DCLRE1A: variants seen among roughly 807,000 people sequenced by gnomAD.
DCLRE1A encodes DNA cross-link repair 1A protein.
DCLRE1A carries 64 observed loss-of-function variants against 91.9 expected under a neutral mutation model. That is an observed-to-expected ratio of 0.70 (90% CI 0.57 to 0.86). The LOEUF (loss-of-function observed/expected upper bound fraction) is 0.86. Among genes scored for constraint, DCLRE1A ranks in the 40% least tolerant of loss-of-function variants. The probability of loss-of-function intolerance (pLI) is 0.00; values close to 1 mark genes in which losing one functional copy is unlikely to be tolerated. For synonymous variants in DCLRE1A, 416 were observed against 431.1 expected (o/e 0.96, Z 0.43); for missense variants, 1,145 against 1,213.3 (o/e 0.94, Z 0.84).
At chr10:113,839,097 G>A (rs575338601) in intron 7 of DCLRE1A, among the ~76,000 whole-genome samples, 4 of 152,062 alleles carry the variant, frequency 2.6e-5, no homozygotes, top group African/African-American at 4.8e-5. Context: ...AGGCCAAGGC[G>A]GGCAGATCAC....
Position 113,852,995 on chromosome 10 carries a change from T to A in DCLRE1A, c.188A>T (p.His63Leu), listed in dbSNP as rs1426949116. The A allele has an allele frequency of 6.2e-7, 1 of 1,614,122 alleles. No individual in the cohort carries two copies. Among genetic ancestry groups the A allele is most frequent in the East Asian group, 2.2e-5 (1 of 44,894 alleles). The change falls in exon 1 of 9, where the codon CAT (histidine) becomes CTT (leucine). Residue 63 changes from histidine (H) to leucine (L), a missense_variant. By Grantham distance (99) the His-to-Leu change is moderately conservative. Coordinates refer to ENST00000361384, the MANE Select transcript of DCLRE1A (RefSeq NM_014881.5). ...ACCTGCATTTCCAAGGGGCACTTCATGGTCCTTCACCTCTTTAGCTTCTGC... is the reference window on the plus strand; with the variant it reads ...ACCTGCATTTCCAAGGGGCACTTCAAGGTCCTTCACCTCTTTAGCTTCTGC... ...RAAEAKEVKD[H>L]EVPLGNAGCQ...
At chr10:113,841,594 C>G in intron 6 of DCLRE1A, 34 bp from the exon 7 acceptor site, 1 of 1,554,594 alleles carries the variant, frequency 6.4e-7, no homozygotes, top group Non-Finnish European at 8.6e-7. Flanking sequence ...AAATAGTAAA[C>G]TTACAGCTTG....
chr10:113,847,564 C>T (rs1049162926), intron 2 of DCLRE1A, among the ~76,000 whole-genome samples: 4 of 72,972 alleles, frequency 5.5e-5, no homozygotes, highest in Middle Eastern at 8.5e-3. Context: ...ATAATTGCAC[C>T]AAAAAAAATT....
chr10:113,838,808 T>C (rs929630674), intron 7 of DCLRE1A, among the ~76,000 whole-genome samples: 4 of 152,214 alleles, frequency 2.6e-5, no homozygotes, highest in African/African-American at 7.2e-5. Context: ...GTCAACTACG[T>C]AGCACATACG....
intron 4 of DCLRE1A, among the ~76,000 whole-genome samples, chr10:113,844,555 T>G (rs1845500399): frequency 6.6e-6 from 1 of 152,210 alleles, no homozygotes; most frequent in Admixed American, 6.5e-5. Context: ...TAAGACTGTT[T>G]TGTATGCCTG....
intron 4 of DCLRE1A, among the ~76,000 whole-genome samples, 187 bp from the exon 5 acceptor site, chr10:113,844,431 G>A (rs1845498151): frequency 6.6e-6 from 1 of 152,198 alleles, no homozygotes; most frequent in African/African-American, 2.4e-5. Context: ...GTGCAGGAAA[G>A]GCAGACCCAG....
upstream of DCLRE1A, chr10:113,854,340 C>G (rs1845713504): frequency 6.6e-6 from 1 of 152,312 alleles, no homozygotes; most frequent in Non-Finnish European, 1.5e-5. Flanking sequence ...GGAGGTTATC[C>G]CTACCCGCTT....
In DCLRE1A at chr10:113,849,290, T is replaced by C; in HGVS notation, c.1815A>G (p.Lys605=). The change falls in exon 2 of 9, where the codon AAA becomes AAG. Residue 605 remains lysine (K), a synonymous_variant. Coordinates refer to ENST00000361384, the MANE Select transcript of DCLRE1A (RefSeq NM_014881.5). ...CATCAAATTCTAAATCACTTAAAGA[T>C]TTTTCTGCTTTCCTCTTGCACTGCG... ...RSSQCKRKAE[K]SLSDLEFDAS... is the part of the protein sequence containing the mutation. The C allele has an allele frequency of 6.2e-7, 1 of 1,614,172 alleles. No individual in the cohort carries two copies. The highest frequency in any genetic ancestry group is 1.3e-5 in the African/African-American group (1 of 75,058).
intron 2 of DCLRE1A, among the ~76,000 whole-genome samples, 154 bp downstream of exon 2, chr10:113,848,826 A>T (rs557255163): frequency 6.6e-6 from 1 of 152,202 alleles, no homozygotes; most frequent in East Asian, 1.9e-4. Flanking sequence ...GGCAAAAACC[A>T]TATCTACGTT....
chr10:113,836,016 G>GCT (rs543979735), intron 8 of DCLRE1A, among the ~76,000 whole-genome samples: 1 of 152,078 alleles, frequency 6.6e-6, no homozygotes, highest in African/African-American at 2.4e-5. Context: ...CCCCCTTTGT[G>GCT]CTCTCTCTCA....
In DCLRE1A at chr10:113,836,742, G is replaced by A. The variant is rs898312966; in HGVS notation, c.2962+320C>T. Among the ~76,000 whole-genome samples, 4 of 152,042 alleles carry A rather than the reference G, an allele frequency of 2.6e-5. No homozygotes were observed. In the South Asian group the frequency reaches 6.2e-4, roughly 24 times the overall value. ...ACCACATCTAACCCATCATCTTCCC[G>A]CTCCCAATCTCACATTGTCATCTAT... is the stretch of plus-strand genomic sequence containing the variant. On this transcript the variant is annotated intron_variant, in intron 8 of 8. Transcript: ENST00000361384.
chr10:113,842,377 G>A lies in DCLRE1A; in HGVS notation c.2631C>T (p.Gly877=). The A allele has an allele frequency of 6.2e-7, 1 of 1,613,790 alleles. No individual in the cohort carries two copies. The highest frequency in any genetic ancestry group is 1.1e-5 in the South Asian group (1 of 91,038). ...TLNPHALVVC[G]TYSIGKEKVF... is the part of the protein sequence containing the mutation. ...CTTTCTCTTTTCCAATAGAGTAAGTGCCACAGACAACAAGAGCATGTGGGT... is the reference window on the plus strand; with the variant it reads ...CTTTCTCTTTTCCAATAGAGTAAGTACCACAGACAACAAGAGCATGTGGGT... The change falls in exon 6 of 9, where the codon GGC becomes GGT. Residue 877 remains glycine, a synonymous_variant. Transcript: ENST00000361384.
chr10:113,852,640 C>T, intron 1 of DCLRE1A, 83 bp downstream of exon 1: 1 of 1,354,608 alleles, frequency 7.4e-7, no homozygotes, highest in Non-Finnish European at 9.9e-7. Flanking sequence ...TGCTTGCCTT[C>T]CTTGTTTCAC....
In DCLRE1A at chr10:113,849,627, T is replaced by C. The variant is rs1346354989; in HGVS notation, c.1478A>G (p.Asn493Ser). 1 of 1,614,026 alleles carries C rather than the reference T, an allele frequency of 6.2e-7. No homozygotes were observed. Among genetic ancestry groups the C allele is most frequent in the Non-Finnish European group, 8.5e-7 (1 of 1,180,030 alleles). The change falls in exon 2 of 9, where the codon AAC becomes AGC. Residue 493 changes from asparagine (N) to serine (S), a missense_variant. Coordinates refer to ENST00000361384, the MANE Select transcript of DCLRE1A (RefSeq NM_014881.5). ...QNTIRKLSSE[N>S]LNAKNNTNSA... is the part of the protein sequence containing the mutation. ...GTTAGTATTATTCTTAGCATTCAAG[T>C]TCTCACTTGATAATTTTCTAATTGT...
chr10:113,842,603 A>T (rs1477942738), intron 5 of DCLRE1A, 115 bp from the exon 6 acceptor site: 1 of 881,294 alleles, frequency 1.1e-6, no homozygotes. Flanking sequence ...GCAATGTAAT[A>T]TATTAATACC....
Position 113,837,204 on chromosome 10 carries a change from C to A in DCLRE1A, c.2821-1G>T. The A allele has an allele frequency of 6.2e-7, 1 of 1,606,392 alleles. No individual in the cohort carries two copies. Among genetic ancestry groups the A allele is most frequent in the Non-Finnish European group, 8.5e-7 (1 of 1,177,696 alleles). On this transcript the variant is annotated splice_acceptor_variant, in intron 7 of 8. Transcript: ENST00000361384. LOFTEE classifies it high-confidence loss of function. The stretch of plus-strand genomic sequence containing the variant: ...ACTTCTTCAAATGACTCTGTAAGCC[C>A]TGTTAAATTAAAATAGCATATTGAG...
chr10:113,837,121 T>C lies in DCLRE1A; in HGVS notation c.2903A>G (p.Asn968Ser). ...AFRPTGWTHSNKFTRIADVIP... is the reference protein window; with the variant it reads ...AFRPTGWTHSSKFTRIADVIP... Reference sequence around the variant, plus strand: ...AACATCTGCTATTCTAGTGAACTTGTTAGAGTGTGTCCATCCTGTAGGTCG... The same window carrying C: ...AACATCTGCTATTCTAGTGAACTTGCTAGAGTGTGTCCATCCTGTAGGTCG... Residue 968 changes from asparagine to serine, a missense_variant, in exon 8 of 9, where the codon AAC becomes AGC. Physicochemically the swap from Asn to Ser is conservative, Grantham distance 46. Transcript: ENST00000361384. The C allele has an allele frequency of 6.2e-7, 1 of 1,613,480 alleles. No individual in the cohort carries two copies. The highest frequency in any genetic ancestry group is 1.1e-5 in the South Asian group (1 of 90,976).
intron 7 of DCLRE1A, among the ~76,000 whole-genome samples, chr10:113,838,982 G>C (rs1332841194): frequency 6.6e-6 from 1 of 151,994 alleles, no homozygotes; most frequent in Non-Finnish European, 1.5e-5. Context: ...AAAAAAAATT[G>C]GCTCTAATTA....
intron 7 of DCLRE1A, among the ~76,000 whole-genome samples, chr10:113,838,959 T>C (rs143071423): frequency 7.2e-5 from 11 of 152,206 alleles, no homozygotes; most frequent in Admixed American, 2.0e-4. Context: ...AACACAACTT[T>C]TGGCTGGTAA....
Sources: allele counts gnomAD v4.1 joint callset (sites outside exome capture counted in the v4.1 genomes callset), GRCh38; gene constraint gnomAD v4.1.1; transcripts MANE v1.5; gene names NCBI Gene and HGNC (gene_info 2026-07-23, HGNC 2026-07-21).